PHF8: variants seen among roughly 807,000 people sequenced by gnomAD.
The protein encoded by PHF8 is histone lysine demethylase PHF8.
A neutral mutation model predicts 74.4 loss-of-function variants in PHF8; 9 were observed. That is an observed-to-expected ratio of 0.12 (90% CI 0.07 to 0.21). The LOEUF (loss-of-function observed/expected upper bound fraction) is 0.21, where lower values mean the gene tolerates loss of function less well. Ranked by LOEUF, PHF8 falls within the 10% of genes least tolerant of loss-of-function variation. PHF8 has a pLI of 1.00. For synonymous variants in PHF8, 311 were observed against 316.6 expected (o/e 0.98, Z 0.19); for missense variants, 478 against 816.6 (o/e 0.59, Z 5.05).
At chrX:54,034,564 T>C (rs1286874766) in intron 2 of PHF8, among the ~76,000 whole-genome samples, 2 of 111,489 alleles carry the variant, frequency 1.8e-5, no homozygotes, top group African/African-American at 6.5e-5. Flanking sequence ...AGCTCATGCC[T>C]GTAATCCCAG....
At chrX:53,978,282 T>C (rs915367801) in intron 18 of PHF8, among the ~76,000 whole-genome samples, 13 of 109,694 alleles carry the variant, frequency 1.2e-4, no homozygotes, top group Admixed American at 2.0e-4. Flanking sequence ...CCACTGCCCA[T>C]ACCGCCCAGG....
chrX:53,953,910 G>GA, intron 19 of PHF8, among the ~76,000 whole-genome samples: 1 of 110,958 alleles, frequency 9.0e-6, no homozygotes, highest in Admixed American at 9.7e-5. Context: ...ATAAATGGAT[G>GA]AAAAAAGAGA....
chrX:53,981,643 G>C (rs2065481273), intron 18 of PHF8, among the ~76,000 whole-genome samples: 1 of 111,785 alleles, frequency 8.9e-6, no homozygotes, highest in South Asian at 3.7e-4. Context: ...GAAAGAGGAA[G>C]TCTGAGTCCA....
Position 54,036,881 on chromosome X carries a change from T to A in PHF8, c.98+5750A>T, listed in dbSNP as rs188714370. ...TGGGCGTGGTGGCGAGCGCCTATAA[T>A]CCCAGCTAGTAGGGAGGCTGAGGCA... On this transcript the variant is annotated intron_variant, in intron 2 of 21. Transcript: ENST00000338154. Among the ~76,000 whole-genome samples, 462 of 106,450 alleles carry A rather than the reference T, an allele frequency of 4.3e-3. 3 individuals carry two copies. Among genetic ancestry groups the A allele is most frequent in the Middle Eastern group, 0.02 (4 of 203 alleles). 92.4% of individuals were successfully genotyped at this position (106,450 alleles called of 115,157 possible).
rs1025802053 is a variant in PHF8 at position 54,015,469 on chromosome X, G to A, written c.597-906C>T. Among the ~76,000 whole-genome samples the A allele has an allele frequency of 1.0e-3, 110 of 106,994 alleles. 1 individual carries two copies. The highest frequency in any genetic ancestry group is 4.7e-3 in the Middle Eastern group (1 of 212). 92.9% of individuals were successfully genotyped at this position (106,994 alleles called of 115,157 possible). On this transcript the variant is annotated intron_variant, in intron 6 of 21. Transcript: ENST00000338154. ...CAGGTGCCTGTGGTCCCAGCTACTC[G>A]GGAGGCTGAGGCAGGAGAATGGCGT... is the stretch of plus-strand genomic sequence containing the variant.
At chrX:53,986,775 A>G (rs2065572589) in intron 16 of PHF8, among the ~76,000 whole-genome samples, 1 of 110,539 alleles carries the variant, frequency 9.0e-6, no homozygotes, top group South Asian at 3.9e-4. Context: ...TCTACAAAAA[A>G]AAATTTTTTT....
intron 6 of PHF8, among the ~76,000 whole-genome samples, 170 bp downstream of exon 6, chrX:54,016,425 C>T (rs2066070680): frequency 9.4e-6 from 1 of 106,336 alleles, no homozygotes; most frequent in Non-Finnish European, 1.9e-5. Flanking sequence ...ACCCAAGAGG[C>T]GGAGGTTGCA....
At chrX:53,949,334 CA>C (rs1423508493) in intron 19 of PHF8, among the ~76,000 whole-genome samples, 1 of 110,284 alleles carries the variant, frequency 9.1e-6, no homozygotes, top group Non-Finnish European at 1.9e-5. Context: ...GACTCTGTCT[CA>C]AAAAATAAAA....
chrX:54,040,357 G>A (rs2066531655), intron 2 of PHF8, among the ~76,000 whole-genome samples: 1 of 111,727 alleles, frequency 9.0e-6, no homozygotes, highest in African/African-American at 3.3e-5. Context: ...AATGTACTCA[G>A]CATCTATTAC....
At chrX:53,962,496 A>G (rs1557091153) in intron 19 of PHF8, among the ~76,000 whole-genome samples, 1 of 111,216 alleles carries the variant, frequency 9.0e-6, no homozygotes, top group Non-Finnish European at 1.9e-5. Flanking sequence ...TGACAACAAA[A>G]CTACCAGAGT....
intron 8 of PHF8, among the ~76,000 whole-genome samples, chrX:54,005,691 AGAT>A (rs2065888911): frequency 9.1e-6 from 1 of 110,257 alleles, no homozygotes; most frequent in Admixed American, 9.7e-5. Flanking sequence ...AAAACAATTC[AGAT>A]GATAGCCAAA....
At chrX:53,996,012 A>C (rs1408503914) in intron 11 of PHF8, among the ~76,000 whole-genome samples, 11 of 111,705 alleles carry the variant, frequency 9.8e-5, no homozygotes, top group East Asian at 2.8e-4. Flanking sequence ...CTAAATGTAA[A>C]ACCTAAAACT....
chrX:54,000,847 A>G (rs1167319444), intron 10 of PHF8, among the ~76,000 whole-genome samples: 4 of 112,898 alleles, frequency 3.5e-5, no homozygotes, highest in Non-Finnish European at 7.5e-5. Context: ...CTCTCAGACT[A>G]TCCAAATTGA....
chrX:53,973,647 G>A (rs1365594673), intron 18 of PHF8, among the ~76,000 whole-genome samples: 1 of 111,625 alleles, frequency 9.0e-6, no homozygotes, highest in Non-Finnish European at 1.9e-5. Context: ...ATTAACGCAA[G>A]ATGAATGAAG....
chrX:54,005,593 A>C (rs1227824651), intron 8 of PHF8, among the ~76,000 whole-genome samples: 2 of 108,886 alleles, frequency 1.8e-5, no homozygotes, highest in African/African-American at 6.7e-5. Context: ...CACCAAAAAA[A>C]ACACAGCATG....
At chrX:54,014,279 T>C (rs1336582151) in intron 7 of PHF8, 98 bp downstream of exon 7, 2 of 679,325 alleles carry the variant, frequency 2.9e-6, no homozygotes, top group Admixed American at 4.7e-5. Context: ...TTATTCAAAA[T>C]GTAAATCAAA....
upstream of PHF8, chrX:54,044,947 C>G (rs1263107378): frequency 9.6e-7 from 1 of 1,040,864 alleles, no homozygotes; most frequent in African/African-American, 1.9e-5. Context: ...TTGGTTCTTC[C>G]CCCTGTGAAG....
chrX:54,024,909 C>T (rs2066241634), intron 2 of PHF8, among the ~76,000 whole-genome samples: 1 of 110,972 alleles, frequency 9.0e-6, no homozygotes, highest in Non-Finnish European at 1.9e-5. Context: ...CAGAGTCTCG[C>T]TCTGTCACCC....
intron 2 of PHF8, among the ~76,000 whole-genome samples, chrX:54,041,660 G>A (rs964562069): frequency 1.1e-4 from 12 of 112,201 alleles, no homozygotes; most frequent in Admixed American, 1.0e-3. Flanking sequence ...TTAACTGAAG[G>A]AAATTCATCA....
Sources: allele counts gnomAD v4.1 joint callset (sites outside exome capture counted in the v4.1 genomes callset), GRCh38; gene constraint gnomAD v4.1.1; transcripts MANE v1.5; gene names NCBI Gene and HGNC (gene_info 2026-07-23, HGNC 2026-07-21).